Variants in ASB18 observed in about 807,000 individuals in gnomAD.
The protein encoded by ASB18 is ankyrin repeat and SOCS box protein 18.
ASB18 carries 33 observed loss-of-function variants against 33.4 expected under a neutral mutation model. The ratio of observed to expected loss-of-function variants is 0.99; its 90% CI spans 0.75 to 1.32. ASB18 has a LOEUF of 1.32. ASB18 is among the 40% of genes most tolerant of loss of function. The pLI is 0.00. For missense variants in ASB18, 694 were observed against 655.5 expected (o/e 1.06, Z -0.64); for synonymous variants, 295 against 307.6 (o/e 0.96, Z 0.43).
rs1479371095 is a variant in ASB18, at chr2:236,235,390, T to C, written c.596+2299A>G. Among the ~76,000 whole-genome samples the C allele has an allele frequency of 6.6e-6, 1 of 152,244 alleles. No homozygotes were observed. The highest frequency in any genetic ancestry group is 2.4e-5 in the African/African-American group (1 of 41,472). ...GGCAGTAGGCTATGCCATCCTGGTT[T>C]GTGTAAATATACTCTATGATGTTTA... is the stretch of plus-strand genomic sequence containing the variant. On this transcript the variant is annotated intron_variant, in intron 3 of 5. Transcript: ENST00000409749. This position sits in a 1 kb window ranked among gnomAD's most constrained non-coding sequence, Gnocchi z 6.2.
At chr2:236,218,840 AT>A (rs1437331566) in intron 3 of ASB18, among the ~76,000 whole-genome samples, 8 of 149,924 alleles carry the variant, frequency 5.3e-5, no homozygotes, top group Admixed American at 2.7e-4. Context: ...GAAATTTTTC[AT>A]TTTATTTTTT....
In ASB18 at chr2:236,239,858, C is replaced by G. The variant is rs1268265136; in HGVS notation, c.328+1422G>C. Among the ~76,000 whole-genome samples, 1 of 152,206 alleles carries G rather than the reference C, an allele frequency of 6.6e-6. No homozygotes were observed. The highest frequency in any genetic ancestry group is 1.9e-4 in the East Asian group (1 of 5,184). On this transcript the variant is annotated intron_variant, in intron 2 of 5. Coordinates refer to ENST00000409749, the MANE Select transcript of ASB18 (RefSeq NM_212556.4). This position sits in a 1 kb window ranked among gnomAD's most constrained non-coding sequence, Gnocchi z 5.6. ...GATCTGCTGCAGGGCAGTCAGGTGT[C>G]TGTGCCGGAGGAGGCTGGAATCCAG...
intron 3 of ASB18, among the ~76,000 whole-genome samples, chr2:236,218,509 C>A (rs1334351208): frequency 2.6e-5 from 4 of 152,070 alleles, no homozygotes; most frequent in African/African-American, 9.7e-5. Flanking sequence ...TGAAGAATAC[C>A]AGAAATTGGC....
Position 236,199,627 on chromosome 2 carries a change from T to C in ASB18, c.1102-3242A>G, listed in dbSNP as rs112353229. Among the ~76,000 whole-genome samples the C allele has an allele frequency of 6.2e-3, 936 of 151,884 alleles. 8 individuals are homozygous for C. The highest frequency in any genetic ancestry group is 0.021 in the African/African-American group (860 of 41,462). ...CCGTATCTATTAATAAGCACACTTT[T>C]CTCATTTGAAATAGTAGAGTATACA... On this transcript the variant is annotated intron_variant, in intron 4 of 5. Transcript: ENST00000409749.
Position 236,216,286 on chromosome 2 carries a change from A to C in ASB18, c.597-1420T>G, listed in dbSNP as rs754844780. Among the ~76,000 whole-genome samples the C allele has an allele frequency of 6.6e-6, 1 of 152,174 alleles. No homozygotes were observed. The highest frequency in any genetic ancestry group is 1.5e-5 in the Non-Finnish European group (1 of 68,032). On this transcript the variant is annotated intron_variant, in intron 3 of 5. Coordinates refer to ENST00000409749, the MANE Select transcript of ASB18 (RefSeq NM_212556.4). This position sits in a 1 kb window ranked among gnomAD's most constrained non-coding sequence, Gnocchi z 6.1. ...CTCCTAATGTTGACCTTGGTCCTCAAGCTTCCGCCCTCTTCCTTTTCAGCT... is the reference window on the plus strand; with the variant it reads ...CTCCTAATGTTGACCTTGGTCCTCACGCTTCCGCCCTCTTCCTTTTCAGCT...
At chr2:236,207,611 G>A (rs966462533) in intron 4 of ASB18, among the ~76,000 whole-genome samples, 3 of 126,344 alleles carry the variant, frequency 2.4e-5, no homozygotes, top group Non-Finnish European at 3.1e-5. Context: ...GTGCCCAGCC[G>A]GGAGACGTGG....
chr2:236,262,675 T>C lies in ASB18; in HGVS notation c.205+1466A>G, dbSNP rs116762715. On this transcript the variant is annotated intron_variant, in intron 1 of 5. Transcript: ENST00000409749. The surrounding 1 kb of genome is among the most constrained non-coding windows in gnomAD (Gnocchi z 5.2). ...TCAGCACTCCCAGTCCAATCACTGC[T>C]TGTGATGACAACCTCCCCTAAACCC... 0.01 allele frequency among the ~76,000 whole-genome samples: 1,527 copies of C among 152,238 alleles called. 23 individuals carry two copies. Among genetic ancestry groups the C allele is most frequent in the African/African-American group, 0.035 (1,464 of 41,538 alleles).
Position 236,240,172 on chromosome 2 carries a change from G to A in ASB18, c.328+1108C>T, listed in dbSNP as rs370936666. ...GTGTGTGTGTATGTCCAGGGCTGCCGTTGGTATTTTTGGTCTGGGATAGGT... is the reference window on the plus strand; with the variant it reads ...GTGTGTGTGTATGTCCAGGGCTGCCATTGGTATTTTTGGTCTGGGATAGGT... On this transcript the variant is annotated intron_variant, in intron 2 of 5. Transcript: ENST00000409749. Among the ~76,000 whole-genome samples, 154 of 152,296 alleles carry A rather than the reference G, an allele frequency of 1.0e-3. 3 individuals carry two copies. The South Asian group carries it at 0.028, about 28-fold the overall frequency.
rs1368716722 is a variant in ASB18, at chr2:236,251,073, C to T, written c.206-9671G>A. The stretch of plus-strand genomic sequence containing the variant: ...AAACCACCTCACTAACTTATTTTCC[C>T]GTCACTGCTACCAAGCCCAGTGCAG... On this transcript the variant is annotated intron_variant, in intron 1 of 5. Transcript: ENST00000409749. This position sits in a 1 kb window ranked among gnomAD's most constrained non-coding sequence, Gnocchi z 5.3. Among the ~76,000 whole-genome samples the T allele has an allele frequency of 3.3e-5, 5 of 152,180 alleles. No homozygotes were observed. The highest frequency in any genetic ancestry group is 9.7e-5 in the African/African-American group (4 of 41,444).
rs1327284886 is a variant in ASB18, at chr2:236,256,878, T to G, written c.205+7263A>C. Among the ~76,000 whole-genome samples, 1 of 151,746 alleles carries G rather than the reference T, an allele frequency of 6.6e-6. No individual in the cohort carries two copies. Among genetic ancestry groups the G allele is most frequent in the African/African-American group, 2.4e-5 (1 of 41,322 alleles). On this transcript the variant is annotated intron_variant, in intron 1 of 5. Transcript: ENST00000409749. The surrounding 1 kb of genome is among the most constrained non-coding windows in gnomAD (Gnocchi z 4.7). ...TCATCACAGTGTCATTCAACCTGCT[T>G]CTGGGGAAAAAAAAAGAGCCTAGGG...
At position 236,195,985 on chromosome 2, in the gene ASB18, G is replaced by C. The variant is rs2060370304; in HGVS notation, c.1215+287C>G. The stretch of plus-strand genomic sequence containing the variant: ...TAGGCCCGTGGATTCAGGCGGCTCT[G>C]GCCTTTCTTTGGACACTGGTTAAGG... On this transcript the variant is annotated intron_variant, in intron 5 of 5. Coordinates refer to ENST00000409749, the MANE Select transcript of ASB18 (RefSeq NM_212556.4). This position sits in a 1 kb window ranked among gnomAD's most constrained non-coding sequence, Gnocchi z 5.5. The C allele has an allele frequency of 2.3e-6, 1 of 437,920 alleles. No individual in the cohort carries two copies. The highest frequency in any genetic ancestry group is 2.0e-5 in the African/African-American group (1 of 49,596). 27.1% of individuals were successfully genotyped at this position (437,920 alleles called of 1,614,324 possible).
chr2:236,263,249 A>C lies in ASB18; in HGVS notation c.205+892T>G, dbSNP rs1414705668. Among the ~76,000 whole-genome samples, 2 of 152,226 alleles carry C rather than the reference A, an allele frequency of 1.3e-5. No homozygotes were observed. The highest frequency in any genetic ancestry group is 2.9e-5 in the Non-Finnish European group (2 of 68,038). On this transcript the variant is annotated intron_variant, in intron 1 of 5. Coordinates refer to ENST00000409749, the MANE Select transcript of ASB18 (RefSeq NM_212556.4). This position sits in a 1 kb window ranked among gnomAD's most constrained non-coding sequence, Gnocchi z 4.0. Reference sequence around the variant, plus strand: ...TTACGTGAAGAAGTCCTACAAAATGATAAAAATGATTCCAAGAGATGGAGA... The same window carrying C: ...TTACGTGAAGAAGTCCTACAAAATGCTAAAAATGATTCCAAGAGATGGAGA...
rs2060418222 is a variant in ASB18, at chr2:236,203,799, C to T, written c.1102-7414G>A. Among the ~76,000 whole-genome samples, 1 of 152,070 alleles carries T rather than the reference C, an allele frequency of 6.6e-6. No homozygotes were observed. Among genetic ancestry groups the T allele is most frequent in the African/African-American group, 2.4e-5 (1 of 41,402 alleles). ...GAAGAATTGCTTGAGCCTGGAAGGT[C>T]GACGCTGCAGTGAGCTATGATTGCA... On this transcript the variant is annotated intron_variant, in intron 4 of 5. Transcript: ENST00000409749. The surrounding 1 kb of genome is among the most constrained non-coding windows in gnomAD (Gnocchi z 6.0).
Position 236,257,152 on chromosome 2 carries a change from GTTAA to G in ASB18, c.205+6985_205+6988del, listed in dbSNP as rs2060696213. 6.6e-6 allele frequency among the ~76,000 whole-genome samples: 1 copy of G among 152,328 alleles called. No homozygotes were observed. The highest frequency in any genetic ancestry group is 1.9e-4 in the East Asian group (1 of 5,192). On this transcript the variant is annotated intron_variant, in intron 1 of 5. Coordinates refer to ENST00000409749, the MANE Select transcript of ASB18 (RefSeq NM_212556.4). This position sits in a 1 kb window ranked among gnomAD's most constrained non-coding sequence, Gnocchi z 5.5. ...CTTTAGCAAGAATTTTGCAATCAGC[GTTAA>G]TTAAGAAGATGGGACAATAATTTGT...
At position 236,196,101 on chromosome 2, in the gene ASB18, T is replaced by G; in HGVS notation, c.1215+171A>C. 1.5e-6 allele frequency: 1 copy of G among 651,372 alleles called. No individual in the cohort carries two copies. The highest frequency in any genetic ancestry group is 2.9e-6 in the Non-Finnish European group (1 of 350,520). The allele number at this position is 651,372 out of a possible 1,614,324, so 40.3% of individuals were successfully genotyped here. A position where few individuals can be genotyped will look rare whatever the true frequency, so the allele number is the denominator to read the frequency against. On this transcript the variant is annotated intron_variant, in intron 5 of 5. Coordinates refer to ENST00000409749, the MANE Select transcript of ASB18 (RefSeq NM_212556.4). This position sits in a 1 kb window ranked among gnomAD's most constrained non-coding sequence, Gnocchi z 5.6. ...TATAACAAGCTCCTGGCTGTGTGAT[T>G]ATGGAGCCTCCAGAAAAAACCAGAA...
chr2:236,211,427 G>A lies in ASB18; in HGVS notation c.1101+2935C>T, dbSNP rs1052906747. ...ATGCCCTGTGTCCGCCTGCCGCGAC[G>A]ATGGTGCCTTTGTCTGGGCATGGGG... is the stretch of plus-strand genomic sequence containing the variant. On this transcript the variant is annotated intron_variant, in intron 4 of 5. Transcript: ENST00000409749. The surrounding 1 kb of genome is among the most constrained non-coding windows in gnomAD (Gnocchi z 5.0). Among the ~76,000 whole-genome samples, 1 of 152,260 alleles carries A rather than the reference G, an allele frequency of 6.6e-6. No homozygotes were observed. The highest frequency in any genetic ancestry group is 2.4e-5 in the African/African-American group (1 of 41,468).
In ASB18 at chr2:236,207,583, A is replaced by T. The variant is rs139150148; in HGVS notation, c.1101+6779T>A. Among the ~76,000 whole-genome samples, 111 of 152,106 alleles carry T rather than the reference A, an allele frequency of 7.3e-4. 1 individual carries two copies. Among genetic ancestry groups the T allele is most frequent in the African/African-American group, 2.5e-3 (103 of 41,432 alleles). The stretch of plus-strand genomic sequence containing the variant: ...GCAAATTTTGCCAACATGCAGGGGA[A>T]GTCTGTGGTCCTACTCTGTGCCCAG... On this transcript the variant is annotated intron_variant, in intron 4 of 5. Coordinates refer to ENST00000409749, the MANE Select transcript of ASB18 (RefSeq NM_212556.4).
intron 4 of ASB18, chr2:236,210,408 T>A (rs35819191): frequency 6.6e-6 from 1 of 152,072 alleles, no homozygotes; most frequent in Non-Finnish European, 1.5e-5. Context: ...CTCTCAACCA[T>A]AAATTATGCA....
At position 236,260,944 on chromosome 2, in the gene ASB18, C is replaced by T. The variant is rs568848377; in HGVS notation, c.205+3197G>A. 6.6e-6 allele frequency among the ~76,000 whole-genome samples: 1 copy of T among 152,266 alleles called. No individual in the cohort carries two copies. The highest frequency in any genetic ancestry group is 2.1e-4 in the South Asian group (1 of 4,822). ...TCTGTGTGGGAAGCACTAATCTAAT[C>T]TCATACCCTCGTTAATAAATGGAGA... On this transcript the variant is annotated intron_variant, in intron 1 of 5. Transcript: ENST00000409749. This position sits in a 1 kb window ranked among gnomAD's most constrained non-coding sequence, Gnocchi z 5.1.
Sources: gnomAD v4.1 joint callset for allele counts (sites outside exome capture counted in the v4.1 genomes callset) on GRCh38, gnomAD v4.1.1 for gene constraint, Gnocchi (gnomAD v3.1) non-coding constraint, MANE v1.5 for transcripts, NCBI Gene and HGNC (gene_info 2026-07-23, HGNC 2026-07-21) for gene names.